The following ARID1A variants were observed in gnomAD, a reference collection of about 807,000 sequenced individuals.
ARID1A encodes the protein AT-rich interactive domain-containing protein 1A.
ARID1A carries 20 observed loss-of-function variants against 212.6 expected under a neutral mutation model. That is an observed-to-expected ratio of 0.09 (90% CI 0.07 to 0.14). The LOEUF is 0.14. Ranked by LOEUF, ARID1A falls within the 10% of genes least tolerant of loss-of-function variation. ARID1A has a pLI of 1.00. For missense variants in ARID1A, 2,587 were observed against 3,059.0 expected (o/e 0.85, Z 3.64); for synonymous variants, 1,376 against 1,222.1 (o/e 1.13, Z -2.63).
In ARID1A at chr1:26,732,704, A is replaced by T. The variant is rs2124792342; in HGVS notation, c.1832A>T (p.Gln611Leu). 6.2e-7 allele frequency: 1 copy of T among 1,613,948 alleles called. No individual in the cohort carries two copies. The highest frequency in any genetic ancestry group is 8.5e-7 in the Non-Finnish European group (1 of 1,179,908). Residue 611 changes from glutamine (Q) to leucine (L), a missense_variant, in exon 4 of 20, where the codon CAG becomes CTG. This residue lies in a region of ARID1A where 674 missense variants were observed against 813.4 expected (regional missense o/e 0.83). Transcript: ENST00000324856. ...QELSQDSFGS[Q>L]ASSAPSMTSS... ...CTATCTCAAGATTCATTTGGGTCTC[A>T]GGCATCCTCAGCCCCCTCAATGACC...
At chr1:26,710,973 G>A (rs141976388) in intron 1 of ARID1A, among the ~76,000 whole-genome samples, 2 of 152,256 alleles carry the variant, frequency 1.3e-5, no homozygotes, top group African/African-American at 4.8e-5. Flanking sequence ...AGTCCTGGAG[G>A]GTGAGAAGTC....
At chr1:26,707,042 T>C (rs2080398966) in intron 1 of ARID1A, among the ~76,000 whole-genome samples, 1 of 151,794 alleles carries the variant, frequency 6.6e-6, no homozygotes, top group Non-Finnish European at 1.5e-5. Context: ...ACTTTTTTTT[T>C]TTTTTAGACG....
At chr1:26,735,116 A>ATTTTTTT (rs35465692) in intron 4 of ARID1A, among the ~76,000 whole-genome samples, 1 of 131,610 alleles carries the variant, frequency 7.6e-6, no homozygotes, top group Non-Finnish European at 1.7e-5. Context: ...AAAATCCAGA[A>ATTTTTTT]TTTTTTTTTT....
At position 26,732,614 on chromosome 1, in the gene ARID1A, GAA is replaced by G. The variant is rs2080691059; in HGVS notation, c.1804-61_1804-60del. 2.2e-6 allele frequency: 3 copies of G among 1,343,904 alleles called. No individual in the cohort carries two copies. The African/African-American group carries it at 4.3e-5, about 19-fold the overall frequency. 83.2% of individuals were successfully genotyped at this position (1,343,904 alleles called of 1,614,324 possible). Reference sequence around the variant, plus strand: ...GACAGTCCCATAACCCTTTCACAGTGAAGTAAGCCTGCCTGGTTTATCAATAC... The same window carrying G: ...GACAGTCCCATAACCCTTTCACAGTGGTAAGCCTGCCTGGTTTATCAATAC... On this transcript the variant is annotated intron_variant, in intron 3 of 19. Transcript: ENST00000324856.
At chr1:26,718,712 GA>G (rs34732273) in intron 1 of ARID1A, among the ~76,000 whole-genome samples, 49 of 152,132 alleles carry the variant, frequency 3.2e-4, no homozygotes, top group African/African-American at 9.9e-4. Flanking sequence ...ATAATGACAA[GA>G]AAAAAAGTGT....
intron 7 of ARID1A, 127 bp from the exon 8 acceptor site, chr1:26,762,846 G>C (rs779411347): frequency 2.1e-6 from 2 of 960,586 alleles, no homozygotes; most frequent in East Asian, 2.7e-5. Flanking sequence ...GGCGATAAAG[G>C]CTACCATGAA....
intron 1 of ARID1A, among the ~76,000 whole-genome samples, chr1:26,706,404 G>T (rs993959809): frequency 6.6e-6 from 1 of 152,170 alleles, no homozygotes; most frequent in African/African-American, 2.4e-5. Flanking sequence ...AGCACCAGGG[G>T]TGCTTGGGGG....
In ARID1A at chr1:26,781,828, T is replaced by C. The variant is rs772969127; in HGVS notation, c.*1072T>C. On this transcript the variant is annotated 3_prime_UTR_variant, in exon 20 of 20. Coordinates refer to ENST00000324856, the MANE Select transcript of ARID1A (RefSeq NM_006015.6). ...GCTGTCTCAGCAGCCAATCAACTTATAGTTTATTTTTTTCTGGGTTTTTGT... is the reference window on the plus strand; with the variant it reads ...GCTGTCTCAGCAGCCAATCAACTTACAGTTTATTTTTTTCTGGGTTTTTGT... The C allele has an allele frequency of 3.9e-5, 9 of 233,620 alleles. No individual in the cohort carries two copies. Among genetic ancestry groups the C allele is most frequent in the East Asian group, 2.4e-4 (4 of 16,602 alleles). 14.5% of individuals were successfully genotyped at this position (233,620 alleles called of 1,614,324 possible).
intron 1 of ARID1A, among the ~76,000 whole-genome samples, chr1:26,718,576 G>C (rs2080527081): frequency 3.9e-5 from 6 of 152,112 alleles, no homozygotes; most frequent in Admixed American, 3.9e-4. Context: ...AAATTGCATG[G>C]TATTTGCATA....
intron 1 of ARID1A, among the ~76,000 whole-genome samples, chr1:26,717,932 G>A (rs988683095): frequency 2.0e-5 from 3 of 152,114 alleles, no homozygotes; most frequent in African/African-American, 7.2e-5. Context: ...ATGCCCAGCT[G>A]ATTTGAGGAA....
At position 26,771,443 on chromosome 1, in the gene ARID1A, C is replaced by G. The variant is rs2081081948; in HGVS notation, c.3406+117C>G. 2 of 1,162,318 alleles carry G rather than the reference C, an allele frequency of 1.7e-6. No homozygotes were observed. The highest frequency in any genetic ancestry group is 2.4e-6 in the Non-Finnish European group (2 of 823,376). The allele number at this position is 1,162,318 out of a possible 1,614,324, so 72.0% of individuals were successfully genotyped here. A position where few individuals can be genotyped will look rare whatever the true frequency, so the allele number is the denominator to read the frequency against. ...GATATGCCAAGGATCTGTGCTCTGC[C>G]TTGCCCTACCACAGGGCTTAACAGG... is the stretch of plus-strand genomic sequence containing the variant. On this transcript the variant is annotated intron_variant, in intron 12 of 19. Coordinates refer to ENST00000324856, the MANE Select transcript of ARID1A (RefSeq NM_006015.6). The surrounding 1 kb of genome is among the most constrained non-coding windows in gnomAD (Gnocchi z 5.4).
intron 1 of ARID1A, among the ~76,000 whole-genome samples, chr1:26,724,222 G>A (rs914892157): frequency 2.5e-4 from 38 of 152,130 alleles, no homozygotes; most frequent in African/African-American, 9.2e-4. Context: ...TTAGCATTTA[G>A]GATGATAAAA....
intron 19 of ARID1A, chr1:26,778,039 A>T (rs2081152844): frequency 6.6e-6 from 1 of 150,754 alleles, no homozygotes. Context: ...ACTGCACTCC[A>T]GCCTGGGCAA....
chr1:26,740,743 C>T (rs1157643021), intron 4 of ARID1A, among the ~76,000 whole-genome samples: 1 of 152,162 alleles, frequency 6.6e-6, no homozygotes, highest in Non-Finnish European at 1.5e-5. Flanking sequence ...AGTCTTAAAG[C>T]AGTGGAATAA....
rs2124789255 is a variant in ARID1A at position 26,731,412 on chromosome 1, G to A, written c.1611G>A (p.Gln537=). The change falls in exon 3 of 20, where the codon CAG becomes CAA. Residue 537 remains glutamine, a synonymous_variant. Coordinates refer to ENST00000324856, the MANE Select transcript of ARID1A (RefSeq NM_006015.6). ...AGTCCCCGGCTCCATACCCCTCCCA[G>A]CAGTCGACGACACAGCAGCACCCCC... is the stretch of plus-strand genomic sequence containing the variant. The part of the protein sequence containing the change: ...HQQSPAPYPS[Q]QSTTQQHPQS... The A allele has an allele frequency of 6.2e-7, 1 of 1,613,684 alleles. No individual in the cohort carries two copies. Among genetic ancestry groups the A allele is most frequent in the Non-Finnish European group, 8.5e-7 (1 of 1,179,936 alleles).
At chr1:26,714,707 G>A (rs959537675) in intron 1 of ARID1A, among the ~76,000 whole-genome samples, 7 of 152,050 alleles carry the variant, frequency 4.6e-5, no homozygotes, top group Non-Finnish European at 1.0e-4. Context: ...GAGCCACCGC[G>A]CCGCATATAT....
At position 26,697,432 on chromosome 1, in the gene ARID1A, A is replaced by G. The variant is rs1158930610; in HGVS notation, c.1029A>G (p.Ala343=). The G allele has an allele frequency of 7.4e-7, 1 of 1,349,900 alleles. No homozygotes were observed. Among genetic ancestry groups the G allele is most frequent in the Non-Finnish European group, 9.4e-7 (1 of 1,061,746 alleles). 83.6% of individuals were successfully genotyped at this position (1,349,900 alleles called of 1,614,324 possible). The change falls in exon 1 of 20, where the codon GCA becomes GCG. Residue 343 remains alanine (A), a synonymous_variant. Transcript: ENST00000324856. ...ASQCWGAAAA[A]AAAAAASGGA... ...AGTGTTGGGGGGCTGCGGCGGCGGC[A>G]GCTGCGGCGGCGGCCGCCTCGGGAG...
At position 26,755,452 on chromosome 1, in the gene ARID1A, G is replaced by A. The variant is rs928681711; in HGVS notation, c.1921-5404G>A. Among the ~76,000 whole-genome samples, 4 of 152,136 alleles carry A rather than the reference G, an allele frequency of 2.6e-5. 1 individual carries two copies. The highest frequency in any genetic ancestry group is 4.8e-5 in the African/African-American group (2 of 41,436). The stretch of plus-strand genomic sequence containing the variant: ...GCCAGGTGGGACTACTGTTGACAGT[G>A]GTTTATTTAGCACTTTTTCTCCAAG... On this transcript the variant is annotated intron_variant, in intron 4 of 19. Coordinates refer to ENST00000324856, the MANE Select transcript of ARID1A (RefSeq NM_006015.6).
intron 1 of ARID1A, among the ~76,000 whole-genome samples, chr1:26,728,666 A>G (rs2080642550): frequency 6.6e-6 from 1 of 152,138 alleles, no homozygotes; most frequent in African/African-American, 2.4e-5. Context: ...CCCCAATGTA[A>G]GAGCTAGTTT....
Sources: gnomAD v4.1 joint callset for allele counts (sites outside exome capture counted in the v4.1 genomes callset) on GRCh38, gnomAD v4.1.1 for gene constraint, gnomAD v4.1.1 regional missense constraint, Gnocchi (gnomAD v3.1) non-coding constraint, MANE v1.5 for transcripts, NCBI Gene and HGNC (gene_info 2026-07-23, HGNC 2026-07-21) for gene names.